KIRREL3: variants seen among roughly 807,000 people sequenced by gnomAD.
KIRREL3 encodes the protein kirre like nephrin family adhesion molecule 3, also known as kin of IRRE-like protein 3.
KIRREL3 carries 36 observed loss-of-function variants against 89.7 expected under a neutral mutation model. The ratio of observed to expected loss-of-function variants is 0.40; its 90% CI spans 0.31 to 0.53. The LOEUF (loss-of-function observed/expected upper bound fraction) is 0.53. Among genes scored for constraint, KIRREL3 ranks in the 20% least tolerant of loss-of-function variants. KIRREL3 has a pLI of 0.49. For missense variants in KIRREL3, 864 were observed against 1,056.6 expected (o/e 0.82, Z 2.53); for synonymous variants, 445 against 441.4 (o/e 1.01, Z -0.10).
In KIRREL3 at chr11:126,976,349, G is replaced by C. The variant is rs7941053; in HGVS notation, c.55+24106C>G. ...ATCACTTGCTTTTAGCAAGCCAAAGGTTGCTTCCAGGGACCACAGATTATT... is the reference window on the plus strand; with the variant it reads ...ATCACTTGCTTTTAGCAAGCCAAAGCTTGCTTCCAGGGACCACAGATTATT... On this transcript the variant is annotated intron_variant, in intron 1 of 16. Coordinates refer to ENST00000525144, the MANE Select transcript of KIRREL3 (RefSeq NM_032531.4). This position sits in a 1 kb window ranked among gnomAD's most constrained non-coding sequence, Gnocchi z 4.2. 2.2e-4 allele frequency among the ~76,000 whole-genome samples: 33 copies of C among 152,192 alleles called. No individual in the cohort carries two copies. In the East Asian group the frequency reaches 6.2e-3, roughly 29 times the overall value.
rs761361929 is a variant in KIRREL3 at position 126,715,938 on chromosome 11, G to C, written c.56-153026C>G. On this transcript the variant is annotated intron_variant, in intron 1 of 16. Coordinates refer to ENST00000525144, the MANE Select transcript of KIRREL3 (RefSeq NM_032531.4). This position sits in a 1 kb window ranked among gnomAD's most constrained non-coding sequence, Gnocchi z 4.4. ...GCTCCTCTCTGACTTAGCACAGGATGCAATTTATCTTCAGAGAGTACCCTC... is the reference window on the plus strand; with the variant it reads ...GCTCCTCTCTGACTTAGCACAGGATCCAATTTATCTTCAGAGAGTACCCTC... Among the ~76,000 whole-genome samples, 3 of 152,164 alleles carry C rather than the reference G, an allele frequency of 2.0e-5. No homozygotes were observed. The highest frequency in any genetic ancestry group is 4.4e-5 in the Non-Finnish European group (3 of 68,032).
intron 1 of KIRREL3, among the ~76,000 whole-genome samples, chr11:126,932,890 T>C (rs1948014046): frequency 6.6e-6 from 1 of 152,204 alleles, no homozygotes; most frequent in African/African-American, 2.4e-5. Flanking sequence ...AGATAACAGC[T>C]CACATAGCCA....
At chr11:126,932,382 T>G (rs548064607) in intron 1 of KIRREL3, among the ~76,000 whole-genome samples, 1 of 152,190 alleles carries the variant, frequency 6.6e-6, no homozygotes, top group Non-Finnish European at 1.5e-5. Context: ...CAAAGCTCAA[T>G]GCATTCAACC....
chr11:126,478,739 ATGTAAG>A (rs1957145319), intron 4 of KIRREL3, among the ~76,000 whole-genome samples: 1 of 151,614 alleles, frequency 6.6e-6, no homozygotes, highest in African/African-American at 2.4e-5. Context: ...ATACATGTGT[ATGTAAG>A]TGTGTGTGTG....
At chr11:126,893,282 C>T (rs1481209077) in intron 1 of KIRREL3, among the ~76,000 whole-genome samples, 1 of 152,170 alleles carries the variant, frequency 6.6e-6, no homozygotes, top group Non-Finnish European at 1.5e-5. Context: ...TTGATTTTAT[C>T]CAGTTCAGTG....
chr11:126,444,865 G>A, intron 10 of KIRREL3, 114 bp downstream of exon 10: 1 of 1,384,866 alleles, frequency 7.2e-7, no homozygotes, highest in South Asian at 1.3e-5. Context: ...ATAGTTGGAG[G>A]TGACAGCAAG....
Position 126,837,335 on chromosome 11 carries a change from T to C in KIRREL3, c.55+163120A>G, listed in dbSNP as rs564176656. On this transcript the variant is annotated intron_variant, in intron 1 of 16. Transcript: ENST00000525144. This position sits in a 1 kb window ranked among gnomAD's most constrained non-coding sequence, Gnocchi z 4.7. The stretch of plus-strand genomic sequence containing the variant: ...CAAATTAATCTCCTTTCTTTTTCCT[T>C]GAGTACAAAGAAGAAAATTATCAAA... Among the ~76,000 whole-genome samples the C allele has an allele frequency of 6.6e-6, 1 of 152,312 alleles. No homozygotes were observed. Among genetic ancestry groups the C allele is most frequent in the South Asian group, 2.1e-4 (1 of 4,822 alleles).
intron 1 of KIRREL3, among the ~76,000 whole-genome samples, chr11:126,603,366 A>G (rs1206916375): frequency 1.3e-5 from 2 of 152,204 alleles, no homozygotes; most frequent in Non-Finnish European, 2.9e-5. Flanking sequence ...CTCATTCCCA[A>G]TGAATGAGGG....
chr11:126,937,787 T>A (rs1165049461), intron 1 of KIRREL3, among the ~76,000 whole-genome samples: 1 of 152,200 alleles, frequency 6.6e-6, no homozygotes, highest in East Asian at 1.9e-4. Flanking sequence ...TAGTCCCAGC[T>A]GCTCGGGAGG....
rs1954840436 is a variant in KIRREL3, at chr11:126,424,273, TG to T, written c.*306del. On this transcript the variant is annotated 3_prime_UTR_variant, in exon 17 of 17. Coordinates refer to ENST00000525144, the MANE Select transcript of KIRREL3 (RefSeq NM_032531.4). Reference sequence around the variant, plus strand: ...GAGTTATAGCTGCCACTTGTGCCTGTGGGCAGAGCAGGTGGTAGAGGGGCCT... The same window carrying T: ...GAGTTATAGCTGCCACTTGTGCCTGTGGCAGAGCAGGTGGTAGAGGGGCCT... 4 of 452,916 alleles carry T rather than the reference TG, an allele frequency of 8.8e-6. No individual in the cohort carries two copies. The highest frequency in any genetic ancestry group is 1.6e-5 in the Non-Finnish European group (4 of 247,364). 28.1% of individuals were successfully genotyped at this position (452,916 alleles called of 1,614,324 possible). A position where few individuals can be genotyped will look rare whatever the true frequency, so the allele number is the denominator to read the frequency against.
intron 1 of KIRREL3, among the ~76,000 whole-genome samples, chr11:126,792,711 G>A (rs2134363956): frequency 6.6e-6 from 1 of 152,298 alleles, no homozygotes; most frequent in South Asian, 2.1e-4. Context: ...ATGGTTACAA[G>A]TAACAACATG....
chr11:126,998,279 T>C (rs1163815901), intron 1 of KIRREL3, among the ~76,000 whole-genome samples: 2 of 152,204 alleles, frequency 1.3e-5, no homozygotes, highest in East Asian at 3.9e-4. Context: ...CACATTGCAG[T>C]GAAGTCCATA....
intron 1 of KIRREL3, among the ~76,000 whole-genome samples, chr11:126,638,492 G>A (rs1944349791): frequency 6.6e-6 from 1 of 152,204 alleles, no homozygotes; most frequent in African/African-American, 2.4e-5. Context: ...TAGTGTCACA[G>A]AATCTGCATT....
intron 1 of KIRREL3, among the ~76,000 whole-genome samples, chr11:126,913,087 C>T (rs7928797): frequency 0.072 from 10,997 of 152,274 alleles, 487 homozygotes; most frequent in Middle Eastern, 0.12. Flanking sequence ...AAGATTAGAA[C>T]GCTGCTGTTC....
rs1565363127 is a variant in KIRREL3, at chr11:126,863,478, CGT to C, written c.55+136975_55+136976del. On this transcript the variant is annotated intron_variant, in intron 1 of 16. Transcript: ENST00000525144. ...GTTTGAGTGCGTGTGTGTGTGAGTG[CGT>C]GTGTGAGTGCGTGTGTGAGTGTGAG... 2.9e-4 allele frequency among the ~76,000 whole-genome samples: 15 copies of C among 52,266 alleles called. 1 individual carries two copies. The highest frequency in any genetic ancestry group is 1.3e-3 in the African/African-American group (15 of 11,132). 34.3% of individuals were successfully genotyped at this position (52,266 alleles called of 152,430 possible).
upstream of KIRREL3, among the ~76,000 whole-genome samples, chr11:127,001,603 T>A (rs1318052567): frequency 6.6e-6 from 1 of 152,160 alleles, no homozygotes; most frequent in Non-Finnish European, 1.5e-5. Flanking sequence ...CATAGACAAC[T>A]GCGTCCTAAG....
rs770284872 is a variant in KIRREL3, at chr11:127,000,491, C to G, written c.19G>C (p.Asp7His). 1 of 1,607,952 alleles carries G rather than the reference C, an allele frequency of 6.2e-7. No individual in the cohort carries two copies. The highest frequency in any genetic ancestry group is 8.5e-7 in the Non-Finnish European group (1 of 1,177,234). The change falls in exon 1 of 17, where the codon GAT becomes CAT. Residue 7 changes from aspartate (D) to histidine (H), a missense_variant. Coordinates refer to ENST00000525144, the MANE Select transcript of KIRREL3 (RefSeq NM_032531.4). This position sits in a 1 kb window ranked among gnomAD's most constrained non-coding sequence, Gnocchi z 7.1. ...AGGAAGAAGCAGACGAAGAGCAGAT[C>G]GAGCTGGAAGGGTTTCATTCCTTAG... MKPFQLDLLFVCFFLFS... is the reference protein window; with the variant it reads MKPFQLHLLFVCFFLFS...
At position 126,562,921 on chromosome 11, in the gene KIRREL3, G is replaced by A; in HGVS notation, c.56-9C>T. 1 of 1,612,590 alleles carries A rather than the reference G, an allele frequency of 6.2e-7. No homozygotes were observed. Among genetic ancestry groups the A allele is most frequent in the Non-Finnish European group, 8.5e-7 (1 of 1,178,768 alleles). ...CTTCTGGAGGCCCAGCTCTGGAAGA[G>A]AAGCATAGGTGGGTGAGTTGGGAAT... On this transcript the variant is annotated splice_polypyrimidine_tract_variant and intron_variant, in intron 1 of 16. Transcript: ENST00000525144. The surrounding 1 kb of genome is among the most constrained non-coding windows in gnomAD (Gnocchi z 4.7).
rs1423323636 is a variant in KIRREL3 at position 126,912,663 on chromosome 11, C to T, written c.55+87792G>A. On this transcript the variant is annotated intron_variant, in intron 1 of 16. Coordinates refer to ENST00000525144, the MANE Select transcript of KIRREL3 (RefSeq NM_032531.4). This position sits in a 1 kb window ranked among gnomAD's most constrained non-coding sequence, Gnocchi z 4.7. ...GAGGCCATGCTGGGTAGCAATGGGG[C>T]TCCTGCCCCTGCTGTTCATCATGTT... Among the ~76,000 whole-genome samples, 1 of 152,240 alleles carries T rather than the reference C, an allele frequency of 6.6e-6. No homozygotes were observed. The highest frequency in any genetic ancestry group is 1.9e-4 in the East Asian group (1 of 5,192).
Sources: allele counts gnomAD v4.1 joint callset (sites outside exome capture counted in the v4.1 genomes callset), GRCh38; gene constraint gnomAD v4.1.1; non-coding constraint Gnocchi (gnomAD v3.1); transcripts MANE v1.5; gene names NCBI Gene and HGNC (gene_info 2026-07-23, HGNC 2026-07-21).